The following KIR3DL2 variants were observed in gnomAD, a reference collection of about 807,000 sequenced individuals.
KIR3DL2 encodes killer cell immunoglobulin like receptor, three Ig domains and long cytoplasmic tail 2, also known as killer cell immunoglobulin-like receptor 3DL2.
A neutral mutation model predicts 41.6 loss-of-function variants in KIR3DL2; 42 were observed. The ratio of observed to expected loss-of-function variants is 1.01; its 90% CI spans 0.79 to 1.31. The LOEUF is 1.31. KIR3DL2 is among the 50% of genes most tolerant of loss of function. The pLI is 0.00. For missense variants in KIR3DL2, 728 were observed against 576.8 expected (o/e 1.26, Z -2.68); for synonymous variants, 230 against 221.3 (o/e 1.04, Z -0.35).
intron 5 of KIR3DL2, 108 bp downstream of exon 5, chr19:54,856,020 A>G (rs1408516825): frequency 1.5e-6 from 2 of 1,374,164 alleles, no homozygotes; most frequent in Non-Finnish European, 2.0e-6. Flanking sequence ...GAGAACACGA[A>G]GACTGGGTGT....
In KIR3DL2 at chr19:54,851,200, A is replaced by G; in HGVS notation, c.35-20A>G. On this transcript the variant is annotated intron_variant, in intron 1 of 8. Transcript: ENST00000326321. ...TGGTTTGCCTGCAGTTGGATCGTCT[A>G]TCATGATCTTTCTTTCCAGGGTTCT... The G allele has an allele frequency of 6.2e-7, 1 of 1,609,560 alleles. No homozygotes were observed. The highest frequency in any genetic ancestry group is 8.5e-7 in the Non-Finnish European group (1 of 1,177,990).
intron 6 of KIR3DL2, among the ~76,000 whole-genome samples, chr19:54,862,348 A>T (rs958108789): frequency 6.6e-6 from 1 of 152,118 alleles, no homozygotes; most frequent in Non-Finnish European, 1.5e-5. Context: ...ACTGTGTATC[A>T]ATCCCAGTCC....
rs2064579248 is a variant in KIR3DL2, at chr19:54,854,528, A to AG, written c.655+482_655+483insG. Among the ~76,000 whole-genome samples the AG allele has an allele frequency of 2.0e-5, 3 of 151,800 alleles. 1 individual carries two copies. Among genetic ancestry groups the AG allele is most frequent in the African/African-American group, 7.3e-5 (3 of 41,120 alleles). On this transcript the variant is annotated intron_variant, in intron 4 of 8. Transcript: ENST00000326321. Reference sequence around the variant, plus strand: ...CCTCTGCCTTCCATGCAGTGGAGCCATAATTATCCCAGGATATCATGGCCC... The same window carrying AG: ...CCTCTGCCTTCCATGCAGTGGAGCCAGTAATTATCCCAGGATATCATGGCCC...
chr19:54,864,524 T>A (rs1037893100), intron 6 of KIR3DL2, among the ~76,000 whole-genome samples: 32 of 152,200 alleles, frequency 2.1e-4, no homozygotes, highest in African/African-American at 7.2e-4. Context: ...GTATCCTCTT[T>A]TATTTCATTG....
intron 1 of KIR3DL2, 24 bp downstream of exon 1, chr19:54,850,533 G>A: frequency 6.2e-7 from 1 of 1,608,984 alleles, no homozygotes; most frequent in Non-Finnish European, 8.5e-7. Context: ...GGGAATAGAG[G>A]GAGGGAGAGT....
At chr19:54,866,464 C>T in intron 8 of KIR3DL2, 42 bp downstream of exon 8, 1 of 1,613,968 alleles carries the variant, frequency 6.2e-7, no homozygotes, top group East Asian at 2.2e-5. Context: ...CAGTCTTATC[C>T]CTAATAGTCC....
intron 5 of KIR3DL2, 100 bp downstream of exon 5, chr19:54,856,012 GA>G: frequency 7.0e-7 from 1 of 1,425,364 alleles, no homozygotes; most frequent in Non-Finnish European, 9.6e-7. Context: ...GATGCAGAGA[GA>G]ACACGAAGAC....
At chr19:54,855,031 T>C (rs1385242038) in intron 4 of KIR3DL2, among the ~76,000 whole-genome samples, 13 of 119,594 alleles carry the variant, frequency 1.1e-4, no homozygotes, top group Non-Finnish European at 2.0e-4. Flanking sequence ...GATTGATAGA[T>C]GATACATAGA....
chr19:54,853,560 G>A (rs1469419444), intron 3 of KIR3DL2, among the ~76,000 whole-genome samples, 187 bp from the exon 4 acceptor site: 2 of 151,616 alleles, frequency 1.3e-5, no homozygotes, highest in Admixed American at 6.5e-5. Flanking sequence ...GAGACAGAGG[G>A]ACAGAGAAGA....
rs113903692 is a variant in KIR3DL2 at position 54,865,631 on chromosome 19, A to G, written c.1001-174A>G. Among the ~76,000 whole-genome samples, 672 of 152,162 alleles carry G rather than the reference A, an allele frequency of 4.4e-3. 2 individuals carry two copies. Among genetic ancestry groups the G allele is most frequent in the African/African-American group, 0.015 (624 of 41,538 alleles). On this transcript the variant is annotated intron_variant, in intron 6 of 8. Transcript: ENST00000326321. Reference sequence around the variant, plus strand: ...AGCAGCTGTATCCTCAGCATGTTCTATGGTTTCTATGAGAGCTGTAACTGA... The same window carrying G: ...AGCAGCTGTATCCTCAGCATGTTCTGTGGTTTCTATGAGAGCTGTAACTGA...
intron 3 of KIR3DL2, among the ~76,000 whole-genome samples, chr19:54,853,228 G>A (rs1467842330): frequency 6.6e-6 from 1 of 151,716 alleles, no homozygotes; most frequent in Non-Finnish European, 1.5e-5. Context: ...GGAAGGGGTT[G>A]ATGCTCCTGG....
chr19:54,851,301 G>A (rs1288952099), intron 2 of KIR3DL2, 46 bp downstream of exon 2: 1 of 1,585,620 alleles, frequency 6.3e-7, no homozygotes, highest in Non-Finnish European at 8.6e-7. Flanking sequence ...CCACATAAGA[G>A]GATTTTTCTG....
rs773400229 is a variant in KIR3DL2, at chr19:54,852,086, T to G, written c.159T>G (p.Arg53=). 2.0e-4 allele frequency: 323 copies of G among 1,612,598 alleles called. 1 individual carries two copies. The highest frequency in any genetic ancestry group is 1.6e-4 in the Middle Eastern group (1 of 6,074). ...TGGCTCTTCAGTGTCACTATCGTCG[T>G]GGGTTTAACAATTTCATGCTGTACA... is the stretch of plus-strand genomic sequence containing the variant. ...GHVALQCHYR[R]GFNNFMLYKE... Residue 53 remains arginine, a synonymous_variant, in exon 3 of 9, where the codon CGT becomes CGG. Transcript: ENST00000326321.
At chr19:54,851,281 T>A in intron 2 of KIR3DL2, 26 bp downstream of exon 2, 1 of 1,601,150 alleles carries the variant, frequency 6.2e-7, no homozygotes. Flanking sequence ...AACCTTAGGG[T>A]GTCATCTCCC....
At chr19:54,864,401 T>C (rs1037509735) in intron 6 of KIR3DL2, among the ~76,000 whole-genome samples, 2 of 152,098 alleles carry the variant, frequency 1.3e-5, no homozygotes, top group African/African-American at 4.8e-5. Context: ...AAGAAAGTCA[T>C]TGGTAGCTTG....
intron 4 of KIR3DL2, 81 bp from the exon 5 acceptor site, chr19:54,855,538 G>A (rs1278707234): frequency 1.3e-6 from 2 of 1,547,064 alleles, no homozygotes; most frequent in Admixed American, 4.1e-5. Context: ...ATAGAGCAGG[G>A]GAGTGAGTTC....
rs1269908749 is a variant in KIR3DL2, at chr19:54,851,373, A to G, written c.70+118A>G. The G allele has an allele frequency of 4.7e-5, 53 of 1,117,666 alleles. 1 individual carries two copies. Among genetic ancestry groups the G allele is most frequent in the South Asian group, 2.6e-4 (20 of 75,968 alleles). The allele number at this position is 1,117,666 out of a possible 1,614,324, so 69.2% of individuals were successfully genotyped here. On this transcript the variant is annotated intron_variant, in intron 2 of 8. Transcript: ENST00000326321. ...AACTAGGAAGAGGGGACCCTTGGAT[A>G]CTCGGCCCACATTTCTGACCTCGCC...
intron 4 of KIR3DL2, among the ~76,000 whole-genome samples, chr19:54,855,246 T>C (rs2064649450): frequency 6.6e-6 from 1 of 150,968 alleles, no homozygotes; most frequent in South Asian, 2.1e-4. Context: ...AGATGACAGA[T>C]AATTTGTAGA....
rs1449389081 is a variant in KIR3DL2 at position 54,851,993 on chromosome 19, C to A, written c.71-5C>A. ...TCTCTAAGGCAGTGCCTCCTTCTCCCCCAGGTGGTCAGGACAAACCCTTCC... is the reference window on the plus strand; with the variant it reads ...TCTCTAAGGCAGTGCCTCCTTCTCCACCAGGTGGTCAGGACAAACCCTTCC... On this transcript the variant is annotated splice_polypyrimidine_tract_variant and splice_region_variant and intron_variant, in intron 2 of 8. Coordinates refer to ENST00000326321, the MANE Select transcript of KIR3DL2 (RefSeq NM_006737.4). The A allele has an allele frequency of 3.1e-6, 5 of 1,608,466 alleles. No homozygotes were observed. Among genetic ancestry groups the A allele is most frequent in the South Asian group, 2.2e-5 (2 of 91,012 alleles).
Sources: gnomAD v4.1 joint callset for allele counts (sites outside exome capture counted in the v4.1 genomes callset) on GRCh38, gnomAD v4.1.1 for gene constraint, MANE v1.5 for transcripts, NCBI Gene and HGNC (gene_info 2026-07-23, HGNC 2026-07-21) for gene names.